The following ABCB1 variants were observed in gnomAD, a reference collection of about 807,000 sequenced individuals.
ABCB1 encodes ATP-dependent translocase ABCB1.
A neutral mutation model predicts 142.0 loss-of-function variants in ABCB1; 69 were observed. That is an observed-to-expected ratio of 0.49 (90% confidence interval 0.40 to 0.59). The LOEUF (loss-of-function observed/expected upper bound fraction) is 0.59, where lower values mean the gene tolerates loss of function less well. ABCB1 is among the 20% of genes least tolerant of loss of function. The probability of loss-of-function intolerance (pLI) is 0.00; values close to 1 mark genes in which losing one functional copy is unlikely to be tolerated. For synonymous variants in ABCB1, 532 were observed against 539.2 expected, an observed-to-expected ratio of 0.99 and a Z score of 0.18; for missense variants, 1,326 against 1,554.7, an observed-to-expected ratio of 0.85 and a Z score of 2.47.
At chr7:87,550,377 T>A in intron 11 of ABCB1, 81 bp from the exon 12 acceptor site, 1 of 1,608,290 alleles carries the variant, frequency 6.2e-7, no homozygotes, top group Non-Finnish European at 8.5e-7. Flanking sequence ...TAGGTTTAAA[T>A]ATACATGCAC....
chr7:87,666,391 C>A (rs1825254955), intron 1 of ABCB1, among the ~76,000 whole-genome samples: 1 of 151,734 alleles, frequency 6.6e-6, no homozygotes, highest in East Asian at 1.9e-4. Flanking sequence ...GGATATTAGA[C>A]CATGCCAGAT....
chr7:87,640,131 C>T (rs1015694458), intron 1 of ABCB1, among the ~76,000 whole-genome samples: 2 of 149,796 alleles, frequency 1.3e-5, no homozygotes, highest in Non-Finnish European at 3.0e-5. Context: ...TTTACTACTT[C>T]TCCAATAGTG....
chr7:87,549,621 A>G, intron 13 of ABCB1, 103 bp from the exon 14 acceptor site: 1 of 1,543,166 alleles, frequency 6.5e-7, no homozygotes, highest in East Asian at 2.2e-5. Flanking sequence ...CTCACAAGTA[A>G]TACAGGTCCA....
Position 87,551,189 on chromosome 7 carries a change from T to A in ABCB1, c.1000-351A>T, listed in dbSNP as rs118036437. Among the ~76,000 whole-genome samples, 170 of 152,054 alleles carry A rather than the reference T, an allele frequency of 1.1e-3. 3 individuals are homozygous for A. The East Asian group carries it at 0.033, about 29-fold the overall frequency. ...AGCATGCACCATCACACCTGACTAA[T>A]TTTTTTTATTTTTTCTAGAGACAGG... is the stretch of plus-strand genomic sequence containing the variant. On this transcript the variant is annotated intron_variant, in intron 9 of 27. Transcript: ENST00000622132.
At chr7:87,515,736 G>A (rs1205437255) in intron 24 of ABCB1, among the ~76,000 whole-genome samples, 2 of 151,658 alleles carry the variant, frequency 1.3e-5, no homozygotes, top group African/African-American at 2.4e-5. Flanking sequence ...GATTACAGGC[G>A]TGTGCCACCA....
chr7:87,691,987 G>A (rs1206872323), intron 1 of ABCB1, among the ~76,000 whole-genome samples: 1 of 152,000 alleles, frequency 6.6e-6, no homozygotes, highest in Non-Finnish European at 1.5e-5. Flanking sequence ...AGATATTTCT[G>A]GTTGCTTTTA....
intron 1 of ABCB1, among the ~76,000 whole-genome samples, chr7:87,696,098 G>A (rs931425355): frequency 1.3e-5 from 2 of 152,022 alleles, no homozygotes; most frequent in African/African-American, 4.8e-5. Context: ...TTTAACATTG[G>A]GAAAATGTTA....
At chr7:87,571,827 G>A (rs1187891114) in intron 4 of ABCB1, among the ~76,000 whole-genome samples, 1 of 152,142 alleles carries the variant, frequency 6.6e-6, no homozygotes, top group Non-Finnish European at 1.5e-5. Context: ...TCATGTGCTA[G>A]AGGCCATAGC....
At chr7:87,628,845 G>A in intron 1 of ABCB1, 2 of 1,266,994 alleles carry the variant, frequency 1.6e-6, no homozygotes, top group Non-Finnish European at 2.0e-6. Flanking sequence ...GAGCCTGGGG[G>A]GCCTGAGCGG....
At chr7:87,686,659 G>A (rs752233550) in intron 1 of ABCB1, among the ~76,000 whole-genome samples, 15 of 151,848 alleles carry the variant, frequency 9.9e-5, no homozygotes, top group Non-Finnish European at 2.1e-4. Context: ...GAAAAAGTTA[G>A]CCAGGTGCAG....
intron 3 of ABCB1, among the ~76,000 whole-genome samples, chr7:87,587,182 A>T (rs1818794495): frequency 6.6e-6 from 1 of 152,230 alleles, no homozygotes; most frequent in South Asian, 2.1e-4. Context: ...GAAAGGGAAG[A>T]GGTCTTCTTT....
At chr7:87,659,770 C>T (rs1824503914) in intron 1 of ABCB1, among the ~76,000 whole-genome samples, 1 of 152,140 alleles carries the variant, frequency 6.6e-6, no homozygotes, top group Non-Finnish European at 1.5e-5. Context: ...TCCTTTTTAT[C>T]TCCACCTTCA....
At chr7:87,564,516 T>C (rs972649806) in intron 7 of ABCB1, among the ~76,000 whole-genome samples, 4 of 152,198 alleles carry the variant, frequency 2.6e-5, no homozygotes, top group Non-Finnish European at 5.9e-5. Context: ...AGAGGCTTCC[T>C]GGGCCAGGTC....
intron 8 of ABCB1, among the ~76,000 whole-genome samples, chr7:87,556,184 C>T (rs1817300910): frequency 6.6e-6 from 1 of 152,004 alleles, no homozygotes; most frequent in Non-Finnish European, 1.5e-5. Context: ...TATAACAAAA[C>T]CATTGGTATG....
At chr7:87,693,316 T>C (rs1016794252) in intron 1 of ABCB1, among the ~76,000 whole-genome samples, 2 of 152,218 alleles carry the variant, frequency 1.3e-5, no homozygotes, top group Non-Finnish European at 2.9e-5. Context: ...CAACATTTTA[T>C]ATAATATCTA....
At chr7:87,590,499 A>T (rs1163427166) in intron 3 of ABCB1, among the ~76,000 whole-genome samples, 2 of 152,196 alleles carry the variant, frequency 1.3e-5, no homozygotes, top group Non-Finnish European at 2.9e-5. Flanking sequence ...CTGGTCAGAG[A>T]ATGTCTTTCT....
intron 4 of ABCB1, 124 bp downstream of exon 4, chr7:87,585,388 A>G (rs1244040528): frequency 2.2e-6 from 2 of 917,636 alleles, no homozygotes; most frequent in Non-Finnish European, 3.4e-6. Flanking sequence ...TATAACTCAG[A>G]CTGTCTGCCT....
chr7:87,510,115 G>T (rs543167944), intron 25 of ABCB1, among the ~76,000 whole-genome samples: 3 of 152,050 alleles, frequency 2.0e-5, no homozygotes, highest in Non-Finnish European at 4.4e-5. Context: ...GTCATAAATT[G>T]GTGTTGTTTT....
At chr7:87,548,950 T>TTCAGGCTACAA (rs1816924697) in intron 14 of ABCB1, among the ~76,000 whole-genome samples, 1 of 152,176 alleles carries the variant, frequency 6.6e-6, no homozygotes. Context: ...TATATGGACC[T>TTCAGGCTACAA]TCAGGTTGTA....
Sources: allele counts gnomAD v4.1 joint callset (sites outside exome capture counted in the v4.1 genomes callset), GRCh38; gene constraint gnomAD v4.1.1; transcripts MANE v1.5; gene names NCBI Gene and HGNC (gene_info 2026-07-23, HGNC 2026-07-21).